Variants in RTEL1 observed in about 807,000 individuals in gnomAD.
RTEL1 encodes regulator of telomere elongation helicase 1, also known as regulator of telomere length.
RTEL1 carries 86 observed loss-of-function variants against 162.2 expected under a neutral mutation model. The ratio of observed to expected loss-of-function variants is 0.53; its 90% CI spans 0.45 to 0.63. The LOEUF (loss-of-function observed/expected upper bound fraction) is 0.63, where lower values mean the gene tolerates loss of function less well. Ranked by LOEUF, RTEL1 falls within the 30% of genes least tolerant of loss-of-function variation. RTEL1 has a pLI of 0.00. For missense variants in RTEL1, 1,941 were observed against 1,750.2 expected (o/e 1.11, Z -1.95); for synonymous variants, 958 against 717.9 (o/e 1.33, Z -5.35).
intron 7 of RTEL1, among the ~76,000 whole-genome samples, chr20:63,666,671 G>A (rs898851503): frequency 1.3e-5 from 2 of 151,916 alleles, no homozygotes; most frequent in African/African-American, 4.8e-5. Flanking sequence ...AAGTAGCCGG[G>A]ACTGCAGGCA....
intron 6 of RTEL1, 104 bp from the exon 7 acceptor site, chr20:63,665,900 G>T (rs2090116271): frequency 9.4e-7 from 1 of 1,060,662 alleles, no homozygotes; most frequent in African/African-American, 1.6e-5. Context: ...GGGACGCCCA[G>T]CCCTGCCCGC....
At chr20:63,685,048 T>G (rs2090560783) in intron 14 of RTEL1, among the ~76,000 whole-genome samples, 1 of 148,952 alleles carries the variant, frequency 6.7e-6, no homozygotes, top group South Asian at 2.1e-4. Flanking sequence ...CGGCTAGGTT[T>G]TTTTTTTTTT....
At chr20:63,694,028 C>T (rs552817417) in intron 30 of RTEL1, among the ~76,000 whole-genome samples, 2 of 151,954 alleles carry the variant, frequency 1.3e-5, no homozygotes, top group Non-Finnish European at 2.9e-5. Context: ...TGAACAGCCC[C>T]TACAGAGTTC....
chr20:63,685,253 G>C (rs757797436), intron 14 of RTEL1, among the ~76,000 whole-genome samples: 1 of 152,136 alleles, frequency 6.6e-6, no homozygotes, highest in African/African-American at 2.4e-5. Context: ...GCCAGTTGGC[G>C]GGAGGAGAGG....
chr20:63,679,062 A>G (rs973999930), intron 12 of RTEL1, among the ~76,000 whole-genome samples: 1 of 152,170 alleles, frequency 6.6e-6, no homozygotes, highest in Non-Finnish European at 1.5e-5. Context: ...TGAGTGTCCC[A>G]GCCACCACCT....
intron 31 of RTEL1, 94 bp downstream of exon 31, chr20:63,694,582 T>C (rs2090921092): frequency 2.4e-6 from 3 of 1,260,344 alleles, no homozygotes; most frequent in Admixed American, 2.1e-5. Context: ...GGGCTGCCCC[T>C]GTGGGGAGCC....
chr20:63,673,911 GT>G, intron 9 of RTEL1, 28 bp from the exon 10 acceptor site: 1 of 1,594,098 alleles, frequency 6.3e-7, no homozygotes, highest in Non-Finnish European at 8.6e-7. Flanking sequence ...GTCCTGTTCT[GT>G]GGTGATTCGG....
intron 2 of RTEL1, chr20:63,660,560 G>A (rs1239252521): frequency 6.6e-6 from 1 of 152,460 alleles, no homozygotes; most frequent in Non-Finnish European, 1.5e-5. Flanking sequence ...CAAAGTTACA[G>A]ATTAACAGCA....
At chr20:63,678,379 G>C (rs1192855269) in intron 12 of RTEL1, 33 bp downstream of exon 12, 1 of 1,587,428 alleles carries the variant, frequency 6.3e-7, no homozygotes, top group Non-Finnish European at 8.6e-7. Context: ...CTTCACTGCA[G>C]GCCCAGCCTA....
intron 14 of RTEL1, 68 bp from the exon 15 acceptor site, chr20:63,685,455 C>G (rs1309560318): frequency 1.3e-6 from 2 of 1,503,372 alleles, no homozygotes; most frequent in Non-Finnish European, 1.8e-6. Context: ...TCTGTGTATG[C>G]GGCTGATGCT....
intron 10 of RTEL1, among the ~76,000 whole-genome samples, chr20:63,675,897 A>G (rs1455478913): frequency 3.3e-5 from 5 of 152,072 alleles, no homozygotes; most frequent in African/African-American, 4.8e-5. Context: ...CGTGGGAGAA[A>G]CATCCACCCA....
rs994242886 is a variant in RTEL1, at chr20:63,681,534, C to T, written c.1191+815C>T. The stretch of plus-strand genomic sequence containing the variant: ...GCGCTATGACAGCTTCATGAGTGTC[C>T]ATCTGGCCTGTGGGGTGCTTGAGCT... On this transcript the variant is annotated intron_variant, in intron 14 of 34. Transcript: ENST00000360203. 4 of 985,034 alleles carry T rather than the reference C, an allele frequency of 4.1e-6. No individual in the cohort carries two copies. In the African/African-American group the frequency reaches 7.0e-5, roughly 17 times the overall value. 61.0% of individuals were successfully genotyped at this position (985,034 alleles called of 1,614,324 possible).
intron 30 of RTEL1, 138 bp from the exon 31 acceptor site, chr20:63,694,234 G>T: frequency 1.4e-6 from 1 of 730,138 alleles, no homozygotes; most frequent in Middle Eastern, 2.4e-4. Context: ...CCAGCACCCA[G>T]GCGTGTACCT....
At chr20:63,694,538 G>A in intron 31 of RTEL1, 50 bp downstream of exon 31, 1 of 1,442,148 alleles carries the variant, frequency 6.9e-7, no homozygotes. Flanking sequence ...GGGTCCCTCA[G>A]TGGCTTCACG....
In RTEL1 at chr20:63,688,565, C is replaced by T. The variant is rs768582874; in HGVS notation, c.1760C>T (p.Pro587Leu). The T allele has an allele frequency of 1.9e-6, 3 of 1,610,630 alleles. No individual in the cohort carries two copies. The highest frequency in any genetic ancestry group is 1.7e-6 in the Non-Finnish European group (2 of 1,179,516). ...DLARKMEALKPLFVEPRSKGS... is the reference protein window; with the variant it reads ...DLARKMEALKLLFVEPRSKGS... The stretch of plus-strand genomic sequence containing the variant: ...GCCAGGAAGATGGAGGCGCTGAAGC[C>T]GCTGTTTGTGGAGCCCAGGAGCAAA... Residue 587 changes from proline to leucine, a missense_variant, in exon 21 of 35, where the codon CCG (proline) becomes CTG (leucine). Coordinates refer to ENST00000360203, the MANE Select transcript of RTEL1 (RefSeq NM_001283009.2).
chr20:63,690,970 T>C (rs1432346763), intron 27 of RTEL1, 23 bp downstream of exon 27: 62 of 1,542,066 alleles, frequency 4.0e-5, no homozygotes, highest in Non-Finnish European at 5.2e-5. Context: ...GGCCTTGGGA[T>C]GGACACAGAC....
intron 30 of RTEL1, among the ~76,000 whole-genome samples, 197 bp downstream of exon 30, chr20:63,693,480 T>TCCACCACCACCA (rs1568720161): frequency 5.5e-4 from 3 of 5,414 alleles, no homozygotes; most frequent in Admixed American, 3.9e-3. Flanking sequence ...CACCTCCACC[T>TCCACCACCACCA]CCACCACCAC....
chr20:63,681,282 G>T, intron 14 of RTEL1: 1 of 985,396 alleles, frequency 1.0e-6, no homozygotes, highest in Non-Finnish European at 1.2e-6. Context: ...TTTCCCTGGC[G>T]TAGAGGTGCT....
intron 30 of RTEL1, among the ~76,000 whole-genome samples, chr20:63,693,969 G>C (rs940288593): frequency 3.2e-4 from 49 of 151,456 alleles, no homozygotes; most frequent in Non-Finnish European, 6.0e-4. Flanking sequence ...CTCTGTTTGG[G>C]GTGGAGTCCA....
Sources: gnomAD v4.1 joint callset for allele counts (sites outside exome capture counted in the v4.1 genomes callset) on GRCh38, gnomAD v4.1.1 for gene constraint, MANE v1.5 for transcripts, NCBI Gene and HGNC (gene_info 2026-07-23, HGNC 2026-07-21) for gene names.